The following NOTCH3 variants were observed in gnomAD, a reference collection of about 807,000 sequenced individuals.
NOTCH3 encodes the protein notch receptor 3, also known as neurogenic locus notch homolog protein 3.
A neutral mutation model predicts 213.3 loss-of-function variants in NOTCH3; 86 were observed. That is an observed-to-expected ratio of 0.40 (90% CI 0.34 to 0.48). NOTCH3 has a LOEUF of 0.48. Ranked by LOEUF, NOTCH3 falls within the 20% of genes least tolerant of loss-of-function variation. The pLI, the probability that NOTCH3 is intolerant of heterozygous loss-of-function variation, is 0.57. For synonymous variants in NOTCH3, 1,354 were observed against 1,355.9 expected, an observed-to-expected ratio of 1.00 and a Z score of 0.03; for missense variants, 2,783 against 3,272.6, an observed-to-expected ratio of 0.85 and a Z score of 3.65.
intron 28 of NOTCH3, among the ~76,000 whole-genome samples, chr19:15,167,947 T>C (rs1437373586): frequency 1.3e-5 from 2 of 151,742 alleles, no homozygotes; most frequent in Non-Finnish European, 2.9e-5. Flanking sequence ...TTTATGTATA[T>C]ATTTTTTAGA....
At chr19:15,188,389 T>A in intron 8 of NOTCH3, 41 bp from the exon 9 acceptor site, 1 of 1,336,026 alleles carries the variant, frequency 7.5e-7, no homozygotes, top group Non-Finnish European at 1.1e-6. Context: ...GGGGCTACCC[T>A]ATGGTGTGAA....
Position 15,177,597 on chromosome 19 carries a change from G to C in NOTCH3, c.4331C>G (p.Pro1444Arg). Residue 1444 changes from proline (P) to arginine (R), a missense_variant, in exon 24 of 33, where the codon CCC (proline) becomes CGC (arginine). Physicochemically the swap from Pro to Arg is moderately radical, Grantham distance 103. Coordinates refer to ENST00000263388, the MANE Select transcript of NOTCH3 (RefSeq NM_000435.3). ...WRLFNNSRCDPACSSPACLYD... is the reference protein window; with the variant it reads ...WRLFNNSRCDRACSSPACLYD... ...GAGGCAGGCGGGCGAGCTGCAGGCGGGGTCGCAGCGGCTGTTGTTGAAGAG... is the reference window on the plus strand; with the variant it reads ...GAGGCAGGCGGGCGAGCTGCAGGCGCGGTCGCAGCGGCTGTTGTTGAAGAG... 6.3e-7 allele frequency: 1 copy of C among 1,599,324 alleles called. No homozygotes were observed. Among genetic ancestry groups the C allele is most frequent in the South Asian group, 1.1e-5 (1 of 89,138 alleles).
chr19:15,181,751 A>G lies in NOTCH3; in HGVS notation c.2617T>C (p.Cys873Arg). Residue 873 changes from cysteine to arginine, a missense_variant, in exon 17 of 33, where the codon TGC becomes CGC. This residue lies in a region of NOTCH3 where 861 missense variants were observed against 909.1 expected (regional missense o/e 0.95). Transcript: ENST00000263388. Reference sequence around the variant, plus strand: ...CCGGCGAAACCAGGGAGGCAGGAGCAGGAAAAGGAGCCCACGCCGTCTTGG... The same window carrying G: ...CCGGCGAAACCAGGGAGGCAGGAGCGGGAAAAGGAGCCCACGCCGTCTTGG... ...SCQDGVGSFS[C>R]SCLPGFAGPR... The G allele has an allele frequency of 6.4e-7, 1 of 1,574,090 alleles. No individual in the cohort carries two copies. The highest frequency in any genetic ancestry group is 8.6e-7 in the Non-Finnish European group (1 of 1,159,260).
In NOTCH3 at chr19:15,181,690, C is replaced by T. The variant is rs1466665154; in HGVS notation, c.2678G>A (p.Ser893Asn). 1.2e-5 allele frequency: 18 copies of T among 1,561,290 alleles called. No individual in the cohort carries two copies. Among genetic ancestry groups the T allele is most frequent in the Non-Finnish European group, 1.5e-5 (17 of 1,152,392 alleles). The change falls in exon 17 of 33, where the codon AGC (serine) becomes AAC (asparagine). Residue 893 changes from serine (S) to asparagine (N), a missense_variant. By Grantham distance (46) the Ser-to-Asn change is conservative. Around this residue, in one of 6 missense-constraint regions of NOTCH3, gnomAD observed 861 missense variants for 909.1 expected, o/e 0.95. Coordinates refer to ENST00000263388, the MANE Select transcript of NOTCH3 (RefSeq NM_000435.3). ...RCARDVDECL[S>N]NPCGPGTCTD... Reference sequence around the variant, plus strand: ...ACAGGTGCCCGGGCCGCAGGGGTTGCTCAGGCACTCATCCACATCGCGGGC... The same window carrying T: ...ACAGGTGCCCGGGCCGCAGGGGTTGTTCAGGCACTCATCCACATCGCGGGC...
chr19:15,196,477 G>A (rs1280161010), intron 2 of NOTCH3, among the ~76,000 whole-genome samples: 2 of 151,982 alleles, frequency 1.3e-5, no homozygotes, highest in East Asian at 3.9e-4. Flanking sequence ...GGCTCTTCTT[G>A]GTCTAAAATC....
chr19:15,184,020 G>A (rs2046860752), intron 16 of NOTCH3, among the ~76,000 whole-genome samples: 1 of 114,192 alleles, frequency 8.8e-6, no homozygotes, highest in African/African-American at 3.6e-5. Context: ...TCCAGCGACA[G>A]AGCTAAGACT....
chr19:15,196,391 G>T (rs2046971089), intron 2 of NOTCH3, among the ~76,000 whole-genome samples: 1 of 150,594 alleles, frequency 6.6e-6, no homozygotes, highest in South Asian at 2.1e-4. Context: ...AACCCTCTCA[G>T]TCAGGCTCAG....
rs2046871275 is a variant in NOTCH3, at chr19:15,185,226, T to A, written c.2296+31A>T. On this transcript the variant is annotated intron_variant, in intron 14 of 32. Transcript: ENST00000263388. This position sits in a 1 kb window ranked among gnomAD's most constrained non-coding sequence, Gnocchi z 4.2. ...GAGATGAGAAGGCCCATGGTGTTGG[T>A]GGGGCTGCAGAGGGAAGGTGAGGTA... The A allele has an allele frequency of 1.9e-6, 3 of 1,611,410 alleles. No homozygotes were observed. Among genetic ancestry groups the A allele is most frequent in the Non-Finnish European group, 2.5e-6 (3 of 1,178,878 alleles).
chr19:15,170,755 C>G lies in NOTCH3; in HGVS notation c.4807G>C (p.Asp1603His), dbSNP rs2046726847. 6.2e-7 allele frequency: 1 copy of G among 1,611,852 alleles called. No individual in the cohort carries two copies. Among genetic ancestry groups the G allele is most frequent in the African/African-American group, 1.3e-5 (1 of 74,920 alleles). ...QSPENDHCFP[D>H]AQSAADYLGA... ...AGGTAGTCAGCGGCGCTCTGGGCAT[C>G]GGGGAAGCAGTGATCATTCTCAGGC... Residue 1603 changes from aspartate (D) to histidine (H), a missense_variant, in exon 26 of 33, where the codon GAT becomes CAT. Asp to His is a moderately conservative substitution (Grantham distance 81, BLOSUM62 -1). Transcript: ENST00000263388.
chr19:15,174,273 C>T lies in NOTCH3; in HGVS notation c.4531G>A (p.Gly1511Ser). 3 of 1,567,968 alleles carry T rather than the reference C, an allele frequency of 1.9e-6. No individual in the cohort carries two copies. Among genetic ancestry groups the T allele is most frequent in the Non-Finnish European group, 2.6e-6 (3 of 1,159,478 alleles). ...ASEVPALLAR[G>S]VLVLTVLLPP... ...AGCAGCACTGTGAGCACCAGCACGCCGCGGGCCAGCAGGGCCGGCACCTCG... is the reference window on the plus strand; with the variant it reads ...AGCAGCACTGTGAGCACCAGCACGCTGCGGGCCAGCAGGGCCGGCACCTCG... The change falls in exon 25 of 33, where the codon GGC (glycine) becomes AGC (serine). Residue 1511 changes from glycine to serine, a missense_variant. Transcript: ENST00000263388.
At chr19:15,197,277 GC>G (rs2046976082) in intron 2 of NOTCH3, among the ~76,000 whole-genome samples, 1 of 152,178 alleles carries the variant, frequency 6.6e-6, no homozygotes. Flanking sequence ...TTAATTCCTA[GC>G]CGGTCAGCAA....
chr19:15,170,614 G>A lies in NOTCH3; in HGVS notation c.4891+57C>T, dbSNP rs1374345524. On this transcript the variant is annotated intron_variant, in intron 26 of 32. Transcript: ENST00000263388. Reference sequence around the variant, plus strand: ...AGGGCGGGGCTTTGGCCTCAGGCGGGGCTTCGGCCGCCCCCAGCTCCGCCC... The same window carrying A: ...AGGGCGGGGCTTTGGCCTCAGGCGGAGCTTCGGCCGCCCCCAGCTCCGCCC... The A allele has an allele frequency of 7.1e-5, 110 of 1,560,110 alleles. 1 individual carries two copies. In the East Asian group the frequency reaches 2.6e-3, roughly 37 times the overall value.
intron 25 of NOTCH3, among the ~76,000 whole-genome samples, chr19:15,173,652 C>G (rs370333120): frequency 2.0e-5 from 3 of 151,414 alleles, no homozygotes; most frequent in Admixed American, 6.6e-5. Flanking sequence ...TTGCTTGAAC[C>G]CAGGAGGCAG....
chr19:15,178,802 A>C lies in NOTCH3; in HGVS notation c.3837+21T>G, dbSNP rs11670823. 1.3e-5 allele frequency: 21 copies of C among 1,556,698 alleles called. No homozygotes were observed. In the South Asian group the frequency reaches 1.9e-4, roughly 14 times the overall value. The stretch of plus-strand genomic sequence containing the variant: ...AGGCCACGCCCCTACTCCTCCTCCA[A>C]AGGCCGCCACCCACACCTACCTGGG... On this transcript the variant is annotated intron_variant, in intron 23 of 32. Transcript: ENST00000263388.
chr19:15,184,782 G>GT, intron 15 of NOTCH3, 124 bp downstream of exon 15: 1 of 655,414 alleles, frequency 1.5e-6, no homozygotes, highest in Non-Finnish European at 2.7e-6. Context: ...GTCCTTCCAA[G>GT]AAGGAAGCCC....
chr19:15,195,462 C>G (rs971345182), intron 2 of NOTCH3, among the ~76,000 whole-genome samples: 7 of 151,762 alleles, frequency 4.6e-5, no homozygotes, highest in African/African-American at 1.7e-4. Context: ...CCCTCACCCC[C>G]CTCTATCCCC....
chr19:15,184,849 A>C, intron 15 of NOTCH3, 57 bp downstream of exon 15: 2 of 1,003,374 alleles, frequency 2.0e-6, no homozygotes, highest in Non-Finnish European at 3.1e-6. Context: ...ATCATCCCTG[A>C]TAGGGTAGGG....
rs1247929298 is a variant in NOTCH3, at chr19:15,166,281, G to A, written c.5363-190C>T. Among the ~76,000 whole-genome samples, 5 of 152,134 alleles carry A rather than the reference G, an allele frequency of 3.3e-5. No homozygotes were observed. The South Asian group carries it at 1.0e-3, about 31-fold the overall frequency. On this transcript the variant is annotated intron_variant, in intron 29 of 32. Transcript: ENST00000263388. ...TGATTTGTCACAGAACTACTCCTAG[G>A]GCACAGGGAACACAGGACAAGGGAC... is the stretch of plus-strand genomic sequence containing the variant.
chr19:15,200,108 G>A (rs1478356124), intron 1 of NOTCH3, among the ~76,000 whole-genome samples: 1 of 151,208 alleles, frequency 6.6e-6, no homozygotes, highest in African/African-American at 2.4e-5. Context: ...GGGGGCGCTG[G>A]AGCCGAAGGG....
Sources: allele counts gnomAD v4.1 joint callset (sites outside exome capture counted in the v4.1 genomes callset), GRCh38; gene constraint gnomAD v4.1.1; regional missense constraint gnomAD v4.1.1; non-coding constraint Gnocchi (gnomAD v3.1); transcripts MANE v1.5; gene names NCBI Gene and HGNC (gene_info 2026-07-23, HGNC 2026-07-21).